OTOGL: variants seen among roughly 807,000 people sequenced by gnomAD.
OTOGL encodes the protein otogelin-like protein.
In OTOGL, 285 loss-of-function variants were observed where a neutral mutation model predicts 318.5. The observed-to-expected ratio is 0.89, with a 90% CI of 0.81 to 0.99. The LOEUF (loss-of-function observed/expected upper bound fraction) is 0.99. Ranked by LOEUF, OTOGL falls within the 50% of genes least tolerant of loss-of-function variation. OTOGL has a pLI of 0.00. For synonymous variants in OTOGL, 987 were observed against 936.5 expected, an observed-to-expected ratio of 1.05 and a Z score of -0.99; for missense variants, 2,899 against 2,845.6, an observed-to-expected ratio of 1.02 and a Z score of -0.43.
chr12:80,146,382 C>G (rs1454600505), intron 1 of OTOGL, among the ~76,000 whole-genome samples: 1 of 150,222 alleles, frequency 6.7e-6, no homozygotes, highest in Non-Finnish European at 1.5e-5. Context: ...GTATATTGAA[C>G]CAGCCTTGCA....
chr12:80,107,273 C>T (rs995377839), intron 1 of OTOGL, among the ~76,000 whole-genome samples: 16 of 152,038 alleles, frequency 1.1e-4, no homozygotes, highest in Admixed American at 7.2e-4. Flanking sequence ...AAGGACATAA[C>T]GGACATTTTT....
intron 24 of OTOGL, among the ~76,000 whole-genome samples, chr12:80,275,441 G>C (rs958875853): frequency 3.3e-5 from 5 of 151,894 alleles, no homozygotes; most frequent in African/African-American, 4.8e-5. Context: ...ACGAGGAGTT[G>C]CTTCTTATAG....
chr12:80,117,560 G>A (rs772342642), intron 1 of OTOGL, among the ~76,000 whole-genome samples: 2 of 152,038 alleles, frequency 1.3e-5, no homozygotes, highest in Non-Finnish European at 2.9e-5. Flanking sequence ...GATGTTTTCC[G>A]TACCTCCTGC....
chr12:80,228,294 T>G (rs1444658687), intron 7 of OTOGL, among the ~76,000 whole-genome samples: 1 of 151,822 alleles, frequency 6.6e-6, no homozygotes, highest in Non-Finnish European at 1.5e-5. Flanking sequence ...AATAGAAAAA[T>G]TAGCCGGTTT....
intron 33 of OTOGL, among the ~76,000 whole-genome samples, chr12:80,319,825 A>G (rs1465130585): frequency 6.6e-6 from 1 of 152,198 alleles, no homozygotes; most frequent in East Asian, 1.9e-4. Context: ...TAATTTTTCA[A>G]TGCTTTGTAA....
At chr12:80,324,334 T>TGG in intron 35 of OTOGL, among the ~76,000 whole-genome samples, 2 of 152,118 alleles carry the variant, frequency 1.3e-5, no homozygotes, top group Admixed American at 6.6e-5. Context: ...GGAAGAATCT[T>TGG]TAATTTGAGA....
intron 11 of OTOGL, among the ~76,000 whole-genome samples, chr12:80,242,065 A>G (rs1880428887): frequency 6.6e-6 from 1 of 152,186 alleles, no homozygotes; most frequent in Admixed American, 6.5e-5. Flanking sequence ...AAGCCGAAAC[A>G]TGTTGTCTTT....
At chr12:80,206,686 ATTT>A (rs774957299) in intron 1 of OTOGL, among the ~76,000 whole-genome samples, 2 of 134,886 alleles carry the variant, frequency 1.5e-5, no homozygotes, top group Non-Finnish European at 1.6e-5. Context: ...ATTGTTTTGT[ATTT>A]TTTTTTTTTT....
intron 26 of OTOGL, among the ~76,000 whole-genome samples, chr12:80,290,407 A>G (rs1884966349): frequency 6.6e-6 from 1 of 151,994 alleles, no homozygotes; most frequent in African/African-American, 2.4e-5. Context: ...CTCCATGTCT[A>G]TGGACCATAT....
intron 1 of OTOGL, among the ~76,000 whole-genome samples, chr12:80,136,312 C>T (rs1047419042): frequency 3.9e-5 from 6 of 152,164 alleles, no homozygotes; most frequent in African/African-American, 1.4e-4. Context: ...AATTCTTAGT[C>T]CTCATTTTAC....
At chr12:80,213,197 T>C (rs565606754) in intron 4 of OTOGL, among the ~76,000 whole-genome samples, 14 of 152,342 alleles carry the variant, frequency 9.2e-5, no homozygotes, top group African/African-American at 3.4e-4. Flanking sequence ...TAAGAGTTCC[T>C]CTTCTTTTAG....
At chr12:80,182,978 T>C (rs1468305942) in intron 1 of OTOGL, among the ~76,000 whole-genome samples, 1 of 152,116 alleles carries the variant, frequency 6.6e-6, no homozygotes. Flanking sequence ...TAGAAAAGAG[T>C]ACCCTCTCTC....
At chr12:80,182,588 G>C (rs1875003381) in intron 1 of OTOGL, among the ~76,000 whole-genome samples, 1 of 152,226 alleles carries the variant, frequency 6.6e-6, no homozygotes, top group Non-Finnish European at 1.5e-5. Flanking sequence ...TTCCAGGGTA[G>C]AGAAGGAGGT....
rs776430432 is a variant in OTOGL at position 80,370,690 on chromosome 12, G to T, written c.6735+1G>T. 1.9e-6 allele frequency: 3 copies of T among 1,558,924 alleles called. No homozygotes were observed. Among genetic ancestry groups the T allele is most frequent in the South Asian group, 1.2e-5 (1 of 81,122 alleles). On this transcript the variant is annotated splice_donor_variant, in intron 56 of 58. Transcript: ENST00000547103. LOFTEE classifies it high-confidence loss of function. ...TTTTAATGAGACTGAATGCAAAATGGTTTGTACTTTGTTGTATCTAAGAAA... is the reference window on the plus strand; with the variant it reads ...TTTTAATGAGACTGAATGCAAAATGTTTTGTACTTTGTTGTATCTAAGAAA...
rs188784740 is a variant in OTOGL, at chr12:80,187,720, A to T, written c.-19-21693A>T. On this transcript the variant is annotated intron_variant, in intron 1 of 58. Coordinates refer to ENST00000547103, the MANE Select transcript of OTOGL (RefSeq NM_001378609.3). ...TCAGACTTCCTTGGATCTGAAAGGGACAGTCATTCCAAAACTGAAACTCAG... is the reference window on the plus strand; with the variant it reads ...TCAGACTTCCTTGGATCTGAAAGGGTCAGTCATTCCAAAACTGAAACTCAG... Among the ~76,000 whole-genome samples, 113 of 152,304 alleles carry T rather than the reference A, an allele frequency of 7.4e-4. 1 individual carries two copies. The highest frequency in any genetic ancestry group is 3.2e-3 in the Admixed American group (49 of 15,296).
chr12:80,323,128 ACACACACACACACAC>A (rs1887449167), intron 34 of OTOGL, among the ~76,000 whole-genome samples: 1 of 129,888 alleles, frequency 7.7e-6, no homozygotes. Flanking sequence ...ACACACACAC[ACACACACACACACAC>A]ACACATATAT....
At chr12:80,164,477 T>C (rs1873714142) in intron 1 of OTOGL, among the ~76,000 whole-genome samples, 2 of 152,190 alleles carry the variant, frequency 1.3e-5, no homozygotes, top group Admixed American at 6.5e-5. Context: ...TTGTAGTTTG[T>C]GTTTTACTAG....
At chr12:80,299,131 G>T (rs973665660) in intron 27 of OTOGL, among the ~76,000 whole-genome samples, 16 of 152,276 alleles carry the variant, frequency 1.1e-4, no homozygotes, top group Admixed American at 4.6e-4. Flanking sequence ...GCACACTAAA[G>T]TTTGAGAACA....
intron 1 of OTOGL, among the ~76,000 whole-genome samples, chr12:80,156,315 C>A (rs888436734): frequency 6.6e-6 from 1 of 152,228 alleles, no homozygotes; most frequent in Non-Finnish European, 1.5e-5. Flanking sequence ...AGCTTTGGAA[C>A]TCAGACTGGC....
Sources: allele counts gnomAD v4.1 joint callset (sites outside exome capture counted in the v4.1 genomes callset), GRCh38; gene constraint gnomAD v4.1.1; transcripts MANE v1.5; gene names NCBI Gene and HGNC (gene_info 2026-07-23, HGNC 2026-07-21).